The following RBFOX1 variants were observed in gnomAD, a reference collection of about 807,000 sequenced individuals.
RBFOX1 encodes RNA binding protein fox-1 homolog 1.
Under a neutral mutation model 57.7 loss-of-function variants are expected in RBFOX1, and 8 were observed. The observed-to-expected ratio is 0.14, with a 90% CI of 0.08 to 0.25. The LOEUF (loss-of-function observed/expected upper bound fraction) is 0.25, where lower values mean the gene tolerates loss of function less well. Among genes scored for constraint, RBFOX1 ranks in the 10% least tolerant of loss-of-function variants. The probability of loss-of-function intolerance (pLI) is 1.00; values close to 1 mark genes in which losing one functional copy is unlikely to be tolerated. For missense variants in RBFOX1, 611 were observed against 548.5 expected, an observed-to-expected ratio of 1.11 and a Z score of -1.14; for synonymous variants, 326 against 222.4, an observed-to-expected ratio of 1.47 and a Z score of -4.15.
chr16:6,890,069 T>C (rs2065051983), intron 3 of RBFOX1, among the ~76,000 whole-genome samples: 1 of 152,226 alleles, frequency 6.6e-6, no homozygotes, highest in African/African-American at 2.4e-5. Flanking sequence ...TAGATTTTCT[T>C]TTAAAGTAAA....
At chr16:6,825,963 C>G (rs1567429605) in intron 3 of RBFOX1, among the ~76,000 whole-genome samples, 1 of 152,110 alleles carries the variant, frequency 6.6e-6, no homozygotes, top group Non-Finnish European at 1.5e-5. Context: ...TTTAACGATA[C>G]GAGTTTCCAT....
chr16:7,237,382 ATAAT>A (rs1453217981), intron 4 of RBFOX1, among the ~76,000 whole-genome samples: 11 of 152,212 alleles, frequency 7.2e-5, no homozygotes, highest in African/African-American at 1.4e-4. Context: ...ACATACAATA[ATAAT>A]TAATAATAAT....
intron 3 of RBFOX1, among the ~76,000 whole-genome samples, chr16:6,837,545 G>T (rs915635741): frequency 6.6e-6 from 1 of 152,178 alleles, no homozygotes; most frequent in Admixed American, 6.6e-5. Flanking sequence ...TAATAAAAAT[G>T]GTTTAGCATG....
intron 7 of RBFOX1, among the ~76,000 whole-genome samples, chr16:7,589,335 T>C (rs936240166): frequency 1.3e-5 from 2 of 152,210 alleles, no homozygotes; most frequent in African/African-American, 4.8e-5. Context: ...GAGAGCTGTT[T>C]TGGGACATTA....
chr16:6,702,158 C>T lies in RBFOX1; in HGVS notation c.-16+47508C>T, dbSNP rs992197421. Among the ~76,000 whole-genome samples the T allele has an allele frequency of 7.9e-5, 12 of 152,122 alleles. 1 individual carries two copies. The highest frequency in any genetic ancestry group is 5.2e-4 in the Admixed American group (8 of 15,264). ...CATTACAGCAGGGACGGAACCAAGC[C>T]GTTCATAAGGGATCTGCTCTACCAT... On this transcript the variant is annotated intron_variant, in intron 3 of 15. Coordinates refer to ENST00000550418, the MANE Select transcript of RBFOX1 (RefSeq NM_018723.4).
At chr16:6,249,535 C>T (rs2097590583) in intron 1 of RBFOX1, among the ~76,000 whole-genome samples, 1 of 151,872 alleles carries the variant, frequency 6.6e-6, no homozygotes. Context: ...AAAAAACAAA[C>T]AAACAAAAAA....
At chr16:6,162,244 A>T (rs1469381654) in intron 1 of RBFOX1, among the ~76,000 whole-genome samples, 2 of 152,072 alleles carry the variant, frequency 1.3e-5, no homozygotes, top group Non-Finnish European at 2.9e-5. Context: ...CAGCCTCCCT[A>T]GTAGCTGGGA....
At chr16:5,913,485 C>A (rs549916912) in intron 4 of RBFOX1, among the ~76,000 whole-genome samples, 4 of 152,280 alleles carry the variant, frequency 2.6e-5, no homozygotes, top group African/African-American at 7.2e-5. Context: ...TGGTATCTCT[C>A]TTGCTTCCTC....
At chr16:6,363,065 C>G (rs898398516) in intron 2 of RBFOX1, among the ~76,000 whole-genome samples, 10 of 152,146 alleles carry the variant, frequency 6.6e-5, no homozygotes, top group Non-Finnish European at 1.3e-4. Context: ...TGATCTAATG[C>G]AAACTTGAAA....
In RBFOX1 at chr16:5,963,060, T is replaced by A. The variant is rs2059781287; in HGVS notation, c.351+95725T>A. Among the ~76,000 whole-genome samples the A allele has an allele frequency of 1.3e-5, 2 of 152,216 alleles. 1 individual carries two copies. The highest frequency in any genetic ancestry group is 1.3e-4 in the Admixed American group (2 of 15,266). ...ACGGTTGTATTATGTATCCTGATCG[T>A]AATATGTGAGTTAATATTTGAAAAT... On this transcript the variant is annotated intron_variant, in intron 4 of 19. Coordinates refer to the RBFOX1 transcript ENST00000641259.
At chr16:5,661,160 A>G (rs2049634832) in intron 3 of RBFOX1, among the ~76,000 whole-genome samples, 1 of 152,212 alleles carries the variant, frequency 6.6e-6, no homozygotes, top group South Asian at 2.1e-4. Flanking sequence ...TTTGTGACAC[A>G]AAGTTGAATC....
chr16:7,076,385 A>G (rs2058304017), intron 4 of RBFOX1, among the ~76,000 whole-genome samples: 1 of 152,070 alleles, frequency 6.6e-6, no homozygotes, highest in African/African-American at 2.4e-5. Flanking sequence ...ATTTTACCCG[A>G]GTCTTTGTCA....
intron 3 of RBFOX1, among the ~76,000 whole-genome samples, chr16:6,832,769 C>G (rs541647872): frequency 3.0e-4 from 46 of 152,342 alleles, no homozygotes; most frequent in African/African-American, 1.1e-3. Context: ...CCTGTTTGAG[C>G]TGCCAGGCTT....
At chr16:6,797,679 A>G (rs1252279838) in intron 3 of RBFOX1, among the ~76,000 whole-genome samples, 2 of 152,174 alleles carry the variant, frequency 1.3e-5, no homozygotes, top group African/African-American at 4.8e-5. Flanking sequence ...GAGATTTATG[A>G]GTAAATTGGA....
At chr16:6,197,057 A>C (rs2152821801) in intron 1 of RBFOX1, among the ~76,000 whole-genome samples, 1 of 152,354 alleles carries the variant, frequency 6.6e-6, no homozygotes, top group African/African-American at 2.4e-5. Flanking sequence ...TAAATCCATT[A>C]GTTAAAAATG....
chr16:5,597,527 G>A (rs189904547), intron 2 of RBFOX1, among the ~76,000 whole-genome samples: 68 of 151,152 alleles, frequency 4.5e-4, no homozygotes, highest in African/African-American at 1.6e-3. Context: ...AGCCTCCCAA[G>A]TAGCTGAGAT....
At chr16:7,232,101 G>T (rs1050524022) in intron 4 of RBFOX1, among the ~76,000 whole-genome samples, 2 of 152,014 alleles carry the variant, frequency 1.3e-5, no homozygotes, top group African/African-American at 4.8e-5. Context: ...TCGGCTCACT[G>T]CAAATTCCAC....
chr16:7,304,724 G>A (rs1362089304), intron 4 of RBFOX1, among the ~76,000 whole-genome samples: 2 of 152,212 alleles, frequency 1.3e-5, no homozygotes, highest in Non-Finnish European at 2.9e-5. Flanking sequence ...CTGGGCACCG[G>A]AAGTTTGAAA....
At chr16:6,726,395 T>C (rs1349873071) in intron 3 of RBFOX1, among the ~76,000 whole-genome samples, 1 of 80,850 alleles carries the variant, frequency 1.2e-5, no homozygotes, top group Non-Finnish European at 3.4e-5. Context: ...ACGCTATTTT[T>C]TCTTTTTTTT....
Sources: allele counts gnomAD v4.1 joint callset (sites outside exome capture counted in the v4.1 genomes callset), GRCh38; gene constraint gnomAD v4.1.1; transcripts MANE v1.5; gene names NCBI Gene and HGNC (gene_info 2026-07-23, HGNC 2026-07-21).